Variants in NEDD9 observed in about 807,000 individuals in gnomAD.
The protein encoded by NEDD9 is neural precursor cell expressed, developmentally down-regulated 9.
In NEDD9, 26 loss-of-function variants were observed where a neutral mutation model predicts 76.6. That is an observed-to-expected ratio of 0.34 (90% confidence interval 0.25 to 0.47). NEDD9 has a LOEUF of 0.47. NEDD9 is among the 20% of genes least tolerant of loss of function. The pLI, the probability that NEDD9 is intolerant of heterozygous loss-of-function variation, is 1.00. For synonymous variants in NEDD9, 392 were observed against 414.2 expected, an observed-to-expected ratio of 0.95 and a Z score of 0.65; for missense variants, 937 against 1,058.5, an observed-to-expected ratio of 0.89 and a Z score of 1.59.
upstream of NEDD9, among the ~76,000 whole-genome samples, chr6:11,236,351 G>T (rs998470301): frequency 6.6e-6 from 1 of 152,176 alleles, no homozygotes; most frequent in Non-Finnish European, 1.5e-5. The surrounding 1 kb of genome is among the most constrained non-coding windows in gnomAD (Gnocchi z 5.5). Flanking sequence ...GCAGGCAGGA[G>T]TGAGGGAAAT....
At chr6:11,245,406 C>A (rs1248642395) in intron 3 of NEDD9, among the ~76,000 whole-genome samples, 1 of 152,192 alleles carries the variant, frequency 6.6e-6, no homozygotes, top group East Asian at 1.9e-4. Context: ...GTTTTGTCTA[C>A]CTGTAGATCT....
rs1482408182 is a variant in NEDD9 at position 11,213,635 on chromosome 6, C to T, written c.105G>A (p.Gln35=). ...ACCATCCTTCCAGTCCCCCTGTGTT[C>T]TGCTCTATGACGGTCAGGATGTCTC... The part of the protein sequence containing the change: ...RKGDILTVIE[Q]NTGGLEGWWL... Residue 35 remains glutamine, a synonymous_variant, in exon 2 of 7, where the codon CAG becomes CAA. Transcript: ENST00000379446. The surrounding 1 kb of genome is among the most constrained non-coding windows in gnomAD (Gnocchi z 5.4). 1.2e-6 allele frequency: 2 copies of T among 1,614,084 alleles called. No individual in the cohort carries two copies. Among genetic ancestry groups the T allele is most frequent in the African/African-American group, 2.7e-5 (2 of 74,926 alleles).
intron 1 of NEDD9, among the ~76,000 whole-genome samples, chr6:11,372,124 C>A (rs1319988660): frequency 6.6e-6 from 1 of 151,758 alleles, no homozygotes; most frequent in Non-Finnish European, 1.5e-5. Context: ...CCCTACCTGC[C>A]CCCCATAATC....
At chr6:11,311,750 G>A (rs1198968537) in intron 2 of NEDD9, among the ~76,000 whole-genome samples, 1 of 152,208 alleles carries the variant, frequency 6.6e-6, no homozygotes, top group Non-Finnish European at 1.5e-5. Context: ...GCTCACGCCT[G>A]TAATCCTAGC....
At chr6:11,364,771 C>T (rs557765178) in intron 1 of NEDD9, among the ~76,000 whole-genome samples, 6 of 152,216 alleles carry the variant, frequency 3.9e-5, no homozygotes, top group African/African-American at 1.2e-4. Flanking sequence ...ATGCATTTTT[C>T]GCCATCCCAC....
chr6:11,218,987 T>G (rs1434162702), intron 1 of NEDD9, among the ~76,000 whole-genome samples: 1 of 152,190 alleles, frequency 6.6e-6, no homozygotes, highest in African/African-American at 2.4e-5. Context: ...AGAGCCTTTC[T>G]CCCTTCAGTG....
intron 2 of NEDD9, among the ~76,000 whole-genome samples, chr6:11,211,710 A>C (rs1427399913): frequency 2.0e-5 from 3 of 152,258 alleles, no homozygotes; most frequent in African/African-American, 7.2e-5. Flanking sequence ...GTACAAGTCT[A>C]AAAGCTGTGC....
In NEDD9 at chr6:11,190,350, T is replaced by C. The variant is rs1214372105; in HGVS notation, c.1519A>G (p.Asn507Asp). 4 of 1,614,078 alleles carry C rather than the reference T, an allele frequency of 2.5e-6. No individual in the cohort carries two copies. The highest frequency in any genetic ancestry group is 3.4e-6 in the Non-Finnish European group (4 of 1,180,046). Residue 507 changes from asparagine to aspartate, a missense_variant, in exon 5 of 7, where the codon AAT becomes GAT. Asn to Asp is a conservative substitution (Grantham distance 23). Coordinates refer to ENST00000379446, the MANE Select transcript of NEDD9 (RefSeq NM_006403.4). This position sits in a 1 kb window ranked among gnomAD's most constrained non-coding sequence, Gnocchi z 5.8. The part of the protein sequence containing the change: ...QILSQTSHDL[N>D]ECSWSLNILA... ...ATATTCAGGGACCAGCTGCACTCATTTAAGTCATGGCTGGTTTGACTCAGG... is the reference window on the plus strand; with the variant it reads ...ATATTCAGGGACCAGCTGCACTCATCTAAGTCATGGCTGGTTTGACTCAGG...
chr6:11,212,448 C>T (rs1758811816), intron 2 of NEDD9, among the ~76,000 whole-genome samples: 2 of 152,148 alleles, frequency 1.3e-5, no homozygotes, highest in Admixed American at 1.3e-4. Context: ...TAAGCATCAC[C>T]AGGGCTTTGT....
At position 11,305,842 on chromosome 6, in the gene NEDD9, G is replaced by A. The variant is rs975983253; in HGVS notation, c.12+150C>T. 4 of 944,038 alleles carry A rather than the reference G, an allele frequency of 4.2e-6. No homozygotes were observed. The South Asian group carries it at 4.3e-5, about 10-fold the overall frequency. 58.5% of individuals were successfully genotyped at this position (944,038 alleles called of 1,614,324 possible). On this transcript the variant is annotated intron_variant, in intron 3 of 3. Coordinates refer to the NEDD9 transcript ENST00000397378. ...ATTCACCTAACAGCAAAATCTGGCA[G>A]TCTAAACTTAACAGTATTTTCCCCA...
Position 11,193,607 on chromosome 6 carries a change from G to C in NEDD9, c.545C>G (p.Ser182Cys). ...GGTACGCACCCCTTGAGTGGTATGAGAAGGAGGGATATCATAGACGTCCTT... is the reference window on the plus strand; with the variant it reads ...GGTACGCACCCCTTGAGTGGTATGACAAGGAGGGATATCATAGACGTCCTT... Reference protein sequence around the residue: ...YQKDVYDIPPSHTTQGVYDIP... With the variant: ...YQKDVYDIPPCHTTQGVYDIP... Residue 182 changes from serine to cysteine, a missense_variant, in exon 3 of 7, where the codon TCT becomes TGT. Physicochemically the swap from Ser to Cys is moderately radical, Grantham distance 112. Transcript: ENST00000379446. 1.2e-6 allele frequency: 2 copies of C among 1,613,288 alleles called. No individual in the cohort carries two copies. The highest frequency in any genetic ancestry group is 8.5e-7 in the Non-Finnish European group (1 of 1,179,214).
chr6:11,375,192 T>A (rs1290334228), intron 1 of NEDD9, among the ~76,000 whole-genome samples: 2 of 152,230 alleles, frequency 1.3e-5, no homozygotes, highest in African/African-American at 4.8e-5. Flanking sequence ...AATAGGATAC[T>A]ATACAGCTGT....
intron 1 of NEDD9, among the ~76,000 whole-genome samples, chr6:11,216,032 AC>A: frequency 6.6e-6 from 1 of 152,148 alleles, no homozygotes; most frequent in Non-Finnish European, 1.5e-5. Context: ...CCTTCTTACC[AC>A]CTGGTGAGCA....
intron 2 of NEDD9, among the ~76,000 whole-genome samples, chr6:11,329,272 G>A (rs758171074): frequency 9.2e-5 from 14 of 152,220 alleles, no homozygotes; most frequent in South Asian, 2.1e-4. Context: ...TGCTGATGAG[G>A]CAGTAATGAC....
At chr6:11,242,254 G>A (rs928414954) in intron 3 of NEDD9, among the ~76,000 whole-genome samples, 7 of 152,152 alleles carry the variant, frequency 4.6e-5, no homozygotes, top group African/African-American at 9.7e-5. Flanking sequence ...TTGAAGTCTC[G>A]CTCACTGGTA....
chr6:11,317,498 G>A (rs1761608131), intron 2 of NEDD9, among the ~76,000 whole-genome samples: 1 of 152,058 alleles, frequency 6.6e-6, no homozygotes, highest in Non-Finnish European at 1.5e-5. Context: ...GCCGCACAGA[G>A]AAGAGAGGCC....
intron 3 of NEDD9, among the ~76,000 whole-genome samples, chr6:11,250,191 C>T (rs566895511): frequency 1.5e-4 from 23 of 152,314 alleles, no homozygotes; most frequent in African/African-American, 5.1e-4. Context: ...TGGTCTTTCT[C>T]CCCACTGGCC....
intron 3 of NEDD9, among the ~76,000 whole-genome samples, chr6:11,259,955 C>CACACACACACACACACACAG (rs1561808968): frequency 1.3e-5 from 2 of 152,022 alleles, no homozygotes; most frequent in African/African-American, 2.4e-5. Flanking sequence ...CACACACACA[C>CACACACACACACACACACAG]ACACAGACAC....
At chr6:11,188,603 A>C (rs1255936405) in intron 5 of NEDD9, among the ~76,000 whole-genome samples, 1 of 152,162 alleles carries the variant, frequency 6.6e-6, no homozygotes, top group East Asian at 1.9e-4. Context: ...TTTCTCATAG[A>C]TTATATGTGA....
Sources: allele counts gnomAD v4.1 joint callset (sites outside exome capture counted in the v4.1 genomes callset), GRCh38; gene constraint gnomAD v4.1.1; non-coding constraint Gnocchi (gnomAD v3.1); transcripts MANE v1.5; gene names NCBI Gene and HGNC (gene_info 2026-07-23, HGNC 2026-07-21).